The following PPFIA2 variants were observed in gnomAD, a reference collection of about 807,000 sequenced individuals.
The protein encoded by PPFIA2 is liprin-alpha-2.
Under a neutral mutation model 175.5 loss-of-function variants are expected in PPFIA2, and 46 were observed. That is an observed-to-expected ratio of 0.26 (90% CI 0.21 to 0.34). The LOEUF (loss-of-function observed/expected upper bound fraction) is 0.34, where lower values mean the gene tolerates loss of function less well. Ranked by LOEUF, PPFIA2 falls within the 10% of genes least tolerant of loss-of-function variation. PPFIA2 has a pLI of 1.00. For missense variants in PPFIA2, 1,179 were observed against 1,506.1 expected, an observed-to-expected ratio of 0.78 and a Z score of 3.60; for synonymous variants, 568 against 511.4, an observed-to-expected ratio of 1.11 and a Z score of -1.49.
At chr12:81,547,664 A>AAAAAAC (rs1567277343) in intron 4 of PPFIA2, among the ~76,000 whole-genome samples, 1 of 152,172 alleles carries the variant, frequency 6.6e-6, no homozygotes, top group Admixed American at 6.5e-5. Flanking sequence ...AGAGTTAGAG[A>AAAAAAC]AAAAACAAAG....
At chr12:81,328,947 A>G (rs1192913923) in intron 21 of PPFIA2, among the ~76,000 whole-genome samples, 1 of 151,286 alleles carries the variant, frequency 6.6e-6, no homozygotes, top group Non-Finnish European at 1.5e-5. Flanking sequence ...GGGACTATAG[A>G]TGTGTGCCAC....
In PPFIA2 at chr12:81,642,806, TG is replaced by T. The variant is rs1167030636; in HGVS notation, c.303+33984del. On this transcript the variant is annotated intron_variant, in intron 4 of 32. Coordinates refer to ENST00000549396, the MANE Select transcript of PPFIA2 (RefSeq NM_003625.5). ...ATATACATACATGTATATGTATGTA[TG>T]TATTACATACATGTATATGTATGTA... is the stretch of plus-strand genomic sequence containing the variant. Among the ~76,000 whole-genome samples, 94 of 25,996 alleles carry T rather than the reference TG, an allele frequency of 3.6e-3. 31 individuals carry two copies. The highest frequency in any genetic ancestry group is 0.016 in the African/African-American group (81 of 5,030). 17.1% of individuals were successfully genotyped at this position (25,996 alleles called of 152,430 possible).
intron 8 of PPFIA2, among the ~76,000 whole-genome samples, chr12:81,395,807 CTTTAA>C (rs1390582009): frequency 1.3e-5 from 2 of 152,120 alleles, no homozygotes; most frequent in South Asian, 2.1e-4. Context: ...CCTTACTTTC[CTTTAA>C]TTTGTCAGTC....
At chr12:81,421,786 A>G (rs1206691297) in intron 7 of PPFIA2, among the ~76,000 whole-genome samples, 1 of 151,982 alleles carries the variant, frequency 6.6e-6, no homozygotes, top group Non-Finnish European at 1.5e-5. Context: ...AACAAGATCC[A>G]GTGGTTTATT....
At chr12:81,275,803 G>A (rs1344377687) in intron 28 of PPFIA2, among the ~76,000 whole-genome samples, 4 of 145,694 alleles carry the variant, frequency 2.7e-5, no homozygotes, top group Admixed American at 6.9e-5. Context: ...TTCTTGAGAC[G>A]GAGTCTTGCT....
At chr12:81,369,868 T>C (rs574582510) in intron 11 of PPFIA2, among the ~76,000 whole-genome samples, 5 of 151,832 alleles carry the variant, frequency 3.3e-5, no homozygotes, top group East Asian at 3.9e-4. Flanking sequence ...TACATTGATA[T>C]TTGGTGAACA....
At chr12:81,305,441 A>T (rs1410044506) in intron 22 of PPFIA2, among the ~76,000 whole-genome samples, 1 of 152,166 alleles carries the variant, frequency 6.6e-6, no homozygotes, top group African/African-American at 2.4e-5. Flanking sequence ...TTAATTTACT[A>T]TTGGAAGAAT....
chr12:81,261,489 T>C (rs1194140209), intron 32 of PPFIA2, among the ~76,000 whole-genome samples: 2 of 152,186 alleles, frequency 1.3e-5, no homozygotes, highest in African/African-American at 4.8e-5. Flanking sequence ...TATTTTTTAA[T>C]ATGAAACCAT....
intron 8 of PPFIA2, among the ~76,000 whole-genome samples, chr12:81,404,887 T>C (rs918424431): frequency 6.6e-6 from 1 of 152,340 alleles, no homozygotes; most frequent in East Asian, 1.9e-4. Flanking sequence ...CGCTAGGTTT[T>C]AGAAACTCTT....
At chr12:81,339,159 T>G in intron 21 of PPFIA2, 21 bp downstream of exon 21, 1 of 1,555,724 alleles carries the variant, frequency 6.4e-7, no homozygotes, top group Admixed American at 1.9e-5. Flanking sequence ...CAGTGGAAAG[T>G]CTTAACACAT....
At chr12:81,525,197 A>G (rs2063595838) in intron 4 of PPFIA2, among the ~76,000 whole-genome samples, 1 of 152,180 alleles carries the variant, frequency 6.6e-6, no homozygotes, top group Non-Finnish European at 1.5e-5. Context: ...GATAGATCCT[A>G]TGGACAAGGT....
chr12:81,322,712 T>C (rs182156129), intron 22 of PPFIA2, among the ~76,000 whole-genome samples: 2 of 152,232 alleles, frequency 1.3e-5, no homozygotes, highest in African/African-American at 2.4e-5. Flanking sequence ...AACAATAGAT[T>C]GACTTTAGGC....
chr12:81,493,213 G>T (rs531872070), intron 4 of PPFIA2, among the ~76,000 whole-genome samples: 44 of 151,976 alleles, frequency 2.9e-4, no homozygotes, highest in Non-Finnish European at 5.3e-4. Context: ...TTGGGAGAAG[G>T]GTCCAAGTTG....
intron 4 of PPFIA2, among the ~76,000 whole-genome samples, chr12:81,535,264 C>A (rs2065212326): frequency 6.6e-6 from 1 of 151,676 alleles, no homozygotes; most frequent in Non-Finnish European, 1.5e-5. Flanking sequence ...GCAGAGCATG[C>A]ACAAGAAGTT....
chr12:81,340,983 G>T, intron 20 of PPFIA2, 95 bp downstream of exon 20: 1 of 1,286,512 alleles, frequency 7.8e-7, no homozygotes, highest in Non-Finnish European at 1.0e-6. Context: ...CTCAAATAAT[G>T]TAAATTGTTA....
rs145194938 is a variant in PPFIA2, at chr12:81,295,920, G to A, written c.2725-885C>T. Among the ~76,000 whole-genome samples the A allele has an allele frequency of 2.4e-3, 365 of 152,268 alleles. 8 individuals are homozygous for A. The East Asian group carries it at 0.052, about 22-fold the overall frequency. On this transcript the variant is annotated intron_variant, in intron 23 of 32. Coordinates refer to ENST00000549396, the MANE Select transcript of PPFIA2 (RefSeq NM_003625.5). Reference sequence around the variant, plus strand: ...CAGGAGAATCACTTGAAACTGAGCAGCAGAGGTTGCAGTGAGCTGAGATCA... The same window carrying A: ...CAGGAGAATCACTTGAAACTGAGCAACAGAGGTTGCAGTGAGCTGAGATCA...
At chr12:81,370,117 TG>T (rs2034670078) in intron 11 of PPFIA2, among the ~76,000 whole-genome samples, 1 of 151,806 alleles carries the variant, frequency 6.6e-6, no homozygotes, top group Non-Finnish European at 1.5e-5. Flanking sequence ...TTAAAAATAA[TG>T]GAAACAGTAG....
chr12:81,437,501 G>C (rs2049297068), intron 7 of PPFIA2, among the ~76,000 whole-genome samples: 1 of 152,108 alleles, frequency 6.6e-6, no homozygotes, highest in Non-Finnish European at 1.5e-5. Flanking sequence ...CCAAAGTGCT[G>C]GGATTACAGG....
chr12:81,701,609 T>C (rs185023063), intron 3 of PPFIA2, among the ~76,000 whole-genome samples: 188 of 152,214 alleles, frequency 1.2e-3, no homozygotes, highest in Non-Finnish European at 2.0e-3. Flanking sequence ...AAAATGAAGA[T>C]AAAAATTATA....
Sources: gnomAD v4.1 joint callset for allele counts (sites outside exome capture counted in the v4.1 genomes callset) on GRCh38, gnomAD v4.1.1 for gene constraint, MANE v1.5 for transcripts, NCBI Gene and HGNC (gene_info 2026-07-23, HGNC 2026-07-21) for gene names.